Variants in TSPAN5 observed in about 807,000 individuals in gnomAD.
TSPAN5 encodes tetraspanin 5.
TSPAN5 carries 10 observed loss-of-function variants against 37.1 expected under a neutral mutation model. The ratio of observed to expected loss-of-function variants is 0.27; its 90% CI spans 0.17 to 0.46. The LOEUF is 0.46. TSPAN5 is among the 20% of genes least tolerant of loss of function. The pLI is 1.00. For missense variants in TSPAN5, 195 were observed against 326.6 expected (o/e 0.60, Z 3.11); for synonymous variants, 110 against 118.9 (o/e 0.93, Z 0.48).
chr4:98,580,745 T>A (rs760043907), intron 1 of TSPAN5, among the ~76,000 whole-genome samples: 32 of 152,334 alleles, frequency 2.1e-4, no homozygotes, highest in South Asian at 1.7e-3. Flanking sequence ...CCTGTTTTTT[T>A]ATTCAAAAAT....
chr4:98,570,968 C>T (rs866021009), intron 1 of TSPAN5, among the ~76,000 whole-genome samples: 1 of 151,298 alleles, frequency 6.6e-6, no homozygotes, highest in Non-Finnish European at 1.5e-5. Context: ...GCCGAGATCG[C>T]GCCACTACGC....
chr4:98,610,302 C>T (rs931699977), intron 1 of TSPAN5, among the ~76,000 whole-genome samples: 13 of 152,154 alleles, frequency 8.5e-5, no homozygotes, highest in African/African-American at 3.1e-4. Context: ...GAGGGGGAGC[C>T]CTGATGACCT....
intron 7 of TSPAN5, among the ~76,000 whole-genome samples, chr4:98,474,074 A>G (rs1420956752): frequency 1.3e-5 from 2 of 152,188 alleles, no homozygotes; most frequent in Non-Finnish European, 2.9e-5. Flanking sequence ...CATTTGTTTC[A>G]TTGCTTATGC....
In TSPAN5 at chr4:98,612,698, G is replaced by A. The variant is rs28531755; in HGVS notation, c.81+45448C>T. Among the ~76,000 whole-genome samples the A allele has an allele frequency of 2.2e-4, 33 of 151,940 alleles. 1 individual carries two copies. The highest frequency in any genetic ancestry group is 6.8e-4 in the African/African-American group (28 of 41,336). On this transcript the variant is annotated intron_variant, in intron 1 of 7. Coordinates refer to ENST00000305798, the MANE Select transcript of TSPAN5 (RefSeq NM_005723.4). ...CACCATCCTCTCCCGCTCCCCGCGGGGCTCCCCCCGCTCCCCTATCTCTGG... is the reference window on the plus strand; with the variant it reads ...CACCATCCTCTCCCGCTCCCCGCGGAGCTCCCCCCGCTCCCCTATCTCTGG...
At chr4:98,599,101 A>G (rs1755824523) in intron 1 of TSPAN5, among the ~76,000 whole-genome samples, 1 of 152,104 alleles carries the variant, frequency 6.6e-6, no homozygotes. Context: ...ATAACCCCCA[A>G]TTTCATATAG....
intron 1 of TSPAN5, among the ~76,000 whole-genome samples, chr4:98,528,941 G>A (rs529533931): frequency 8.1e-4 from 123 of 152,162 alleles, no homozygotes; most frequent in African/African-American, 2.7e-3. Context: ...AAAGGGGAGA[G>A]GTACTGTTAT....
intron 1 of TSPAN5, among the ~76,000 whole-genome samples, chr4:98,537,127 G>T (rs981512001): frequency 6.6e-6 from 1 of 152,224 alleles, no homozygotes. Context: ...GCCCTGGTGG[G>T]GTGGGCACCG....
intron 1 of TSPAN5, among the ~76,000 whole-genome samples, chr4:98,647,116 G>T (rs1337003415): frequency 6.6e-6 from 1 of 152,074 alleles, no homozygotes; most frequent in Non-Finnish European, 1.5e-5. Flanking sequence ...CACCACAAGG[G>T]TACCAGAATG....
intron 1 of TSPAN5, among the ~76,000 whole-genome samples, chr4:98,614,246 C>A (rs1253844509): frequency 2.0e-5 from 3 of 152,160 alleles, no homozygotes; most frequent in Admixed American, 2.0e-4. Flanking sequence ...ATGTCTAAAT[C>A]AAGAATTCTG....
At chr4:98,619,391 C>G (rs2110245572) in intron 1 of TSPAN5, among the ~76,000 whole-genome samples, 1 of 152,340 alleles carries the variant, frequency 6.6e-6, no homozygotes, top group East Asian at 1.9e-4. Flanking sequence ...AATAAACCTA[C>G]AGGCCACTGG....
chr4:98,550,622 T>C (rs897168029), intron 1 of TSPAN5, among the ~76,000 whole-genome samples: 1 of 109,598 alleles, frequency 9.1e-6, no homozygotes, highest in Admixed American at 9.0e-5. Flanking sequence ...TTTTTTTTTT[T>C]TTCTGGTAGC....
At position 98,646,225 on chromosome 4, in the gene TSPAN5, C is replaced by T. The variant is rs145938692; in HGVS notation, c.81+11921G>A. ...CAGGTAGTTCAATCCAAAATCCTAG[C>T]TCTGCATCAGCTGGAAGGACATATA... On this transcript the variant is annotated intron_variant, in intron 1 of 7. Transcript: ENST00000305798. Among the ~76,000 whole-genome samples, 317 of 152,258 alleles carry T rather than the reference C, an allele frequency of 2.1e-3. 1 individual carries two copies. Among genetic ancestry groups the T allele is most frequent in the African/African-American group, 7.2e-3 (298 of 41,556 alleles).
chr4:98,630,248 C>T (rs763032405), intron 1 of TSPAN5, among the ~76,000 whole-genome samples: 3 of 152,128 alleles, frequency 2.0e-5, no homozygotes, highest in Non-Finnish European at 4.4e-5. Flanking sequence ...AGAGGAGGCA[C>T]CAAACGAAAA....
chr4:98,569,512 G>A (rs1755074176), intron 1 of TSPAN5, among the ~76,000 whole-genome samples: 4 of 152,212 alleles, frequency 2.6e-5, no homozygotes, highest in Non-Finnish European at 5.9e-5. Context: ...CTGCGGCAGA[G>A]TGCAGGATGG....
intron 1 of TSPAN5, among the ~76,000 whole-genome samples, chr4:98,601,249 C>T (rs1023486215): frequency 1.3e-5 from 2 of 152,160 alleles, no homozygotes; most frequent in African/African-American, 2.4e-5. Flanking sequence ...TGCATTAGCC[C>T]CTAACAAGGG....
chr4:98,575,029 A>AT, intron 1 of TSPAN5: 1 of 155,206 alleles, frequency 6.4e-6, no homozygotes, highest in Non-Finnish European at 1.4e-5. Context: ...GGTGCAGACA[A>AT]GGGCCAGAGC....
At chr4:98,508,881 T>C (rs554261956) in intron 1 of TSPAN5, among the ~76,000 whole-genome samples, 2 of 152,264 alleles carry the variant, frequency 1.3e-5, no homozygotes, top group East Asian at 3.9e-4. Flanking sequence ...AAGATACATA[T>C]ATTTTCCCCA....
At chr4:98,530,067 C>A (rs1754047289) in intron 1 of TSPAN5, among the ~76,000 whole-genome samples, 1 of 152,172 alleles carries the variant, frequency 6.6e-6, no homozygotes, top group Non-Finnish European at 1.5e-5. Context: ...GACATGGCAC[C>A]TGGCAGGAAA....
intron 1 of TSPAN5, among the ~76,000 whole-genome samples, chr4:98,562,681 CA>C (rs1165783731): frequency 6.6e-6 from 1 of 151,598 alleles, no homozygotes; most frequent in Non-Finnish European, 1.5e-5. Context: ...CAAAACAAAA[CA>C]AAACAAAACA....
Sources: allele counts gnomAD v4.1 joint callset (sites outside exome capture counted in the v4.1 genomes callset), GRCh38; gene constraint gnomAD v4.1.1; transcripts MANE v1.5; gene names NCBI Gene and HGNC (gene_info 2026-07-23, HGNC 2026-07-21).